Variants in ADAMTS12 observed in about 807,000 individuals in gnomAD.
ADAMTS12 encodes the protein A disintegrin and metalloproteinase with thrombospondin motifs 12.
In ADAMTS12, 118 loss-of-function variants were observed where a neutral mutation model predicts 167.8. That is an observed-to-expected ratio of 0.70 (90% confidence interval 0.61 to 0.82). The LOEUF (loss-of-function observed/expected upper bound fraction) is 0.82, where lower values mean the gene tolerates loss of function less well. Ranked by LOEUF, ADAMTS12 falls within the 40% of genes least tolerant of loss-of-function variation. The pLI is 0.00. For missense variants in ADAMTS12, 1,916 were observed against 1,998.8 expected (o/e 0.96, Z 0.79); for synonymous variants, 704 against 716.9 (o/e 0.98, Z 0.29).
chr5:33,794,565 A>G (rs1334786363), intron 2 of ADAMTS12, among the ~76,000 whole-genome samples: 1 of 152,170 alleles, frequency 6.6e-6, no homozygotes. Context: ...AATTAAGTAA[A>G]TCAAATATGC....
At chr5:33,860,882 A>T (rs938809188) in intron 2 of ADAMTS12, among the ~76,000 whole-genome samples, 5 of 152,214 alleles carry the variant, frequency 3.3e-5, no homozygotes, top group African/African-American at 1.2e-4. Flanking sequence ...GATATTCAAC[A>T]TTCTTAAAGA....
At chr5:33,696,946 C>T (rs533780598) in intron 3 of ADAMTS12, among the ~76,000 whole-genome samples, 1 of 152,284 alleles carries the variant, frequency 6.6e-6, no homozygotes, top group South Asian at 2.1e-4. Context: ...TTGGACTATA[C>T]ATTTTAAGCT....
chr5:33,789,176 G>T (rs902355189), intron 2 of ADAMTS12, among the ~76,000 whole-genome samples: 3 of 152,062 alleles, frequency 2.0e-5, no homozygotes, highest in Non-Finnish European at 4.4e-5. Context: ...GGACAGAAAG[G>T]TCTCTCACAC....
At chr5:33,791,830 G>A (rs28495741) in intron 2 of ADAMTS12, among the ~76,000 whole-genome samples, 7,432 of 149,464 alleles carry the variant, frequency 0.05, 658 homozygotes, top group African/African-American at 0.18. Context: ...TATAAAGGAA[G>A]CTTTACTAAT....
At chr5:33,790,784 T>TGC (rs1746531558) in intron 2 of ADAMTS12, among the ~76,000 whole-genome samples, 1 of 48,620 alleles carries the variant, frequency 2.1e-5, no homozygotes, top group African/African-American at 6.7e-5. Flanking sequence ...CATACAAACA[T>TGC]ATATATATAT....
chr5:33,701,653 T>C (rs2112298615), intron 3 of ADAMTS12, among the ~76,000 whole-genome samples: 1 of 152,306 alleles, frequency 6.6e-6, no homozygotes, highest in East Asian at 1.9e-4. Flanking sequence ...ATCCAGGCCA[T>C]GGCAAAGGTA....
intron 16 of ADAMTS12, 104 bp from the exon 17 acceptor site, chr5:33,596,164 G>A (rs1039845060): frequency 2.8e-6 from 4 of 1,430,474 alleles, no homozygotes; most frequent in Non-Finnish European, 3.8e-6. Context: ...GACGGCTGAT[G>A]GGAAAGTTGT....
intron 22 of ADAMTS12, 93 bp from the exon 23 acceptor site, chr5:33,535,085 A>G: frequency 1.5e-6 from 2 of 1,326,620 alleles, no homozygotes; most frequent in Non-Finnish European, 2.0e-6. Context: ...GTGGTCAAGA[A>G]TGGAAACATC....
chr5:33,857,371 A>C (rs1403822273), intron 2 of ADAMTS12, among the ~76,000 whole-genome samples: 1 of 152,120 alleles, frequency 6.6e-6, no homozygotes, highest in African/African-American at 2.4e-5. Flanking sequence ...AACAATACTG[A>C]AGTGTATACT....
chr5:33,853,996 C>T (rs1749314419), intron 2 of ADAMTS12, among the ~76,000 whole-genome samples: 1 of 152,220 alleles, frequency 6.6e-6, no homozygotes, highest in African/African-American at 2.4e-5. Context: ...CGAGCTAGGA[C>T]TTGAGCTCAG....
chr5:33,676,515 A>G (rs1741909906), intron 5 of ADAMTS12, among the ~76,000 whole-genome samples: 1 of 148,576 alleles, frequency 6.7e-6, no homozygotes, highest in Admixed American at 6.6e-5. Flanking sequence ...ACGTAGTGAG[A>G]CCCCATCTTT....
intron 14 of ADAMTS12, among the ~76,000 whole-genome samples, chr5:33,622,716 T>C (rs1739394409): frequency 6.6e-6 from 1 of 150,820 alleles, no homozygotes; most frequent in African/African-American, 2.4e-5. Context: ...ATTTTAAGTG[T>C]AACTTTTTAT....
chr5:33,735,798 G>A (rs1432758212), intron 3 of ADAMTS12, among the ~76,000 whole-genome samples: 1 of 152,182 alleles, frequency 6.6e-6, no homozygotes, highest in East Asian at 1.9e-4. Flanking sequence ...CTAAGGAAAG[G>A]AAACCTCTTC....
intron 5 of ADAMTS12, 143 bp from the exon 6 acceptor site, chr5:33,662,183 G>T: frequency 1.0e-6 from 1 of 993,366 alleles, no homozygotes; most frequent in Non-Finnish European, 1.5e-6. Flanking sequence ...TGTGGCAGAG[G>T]CCAACTGACT....
At chr5:33,713,202 G>A (rs1743467919) in intron 3 of ADAMTS12, among the ~76,000 whole-genome samples, 1 of 152,090 alleles carries the variant, frequency 6.6e-6, no homozygotes, top group Non-Finnish European at 1.5e-5. Flanking sequence ...GGCCAGTCAG[G>A]GAGCTATACT....
At chr5:33,607,822 G>C (rs1354077177) in intron 16 of ADAMTS12, among the ~76,000 whole-genome samples, 1 of 152,266 alleles carries the variant, frequency 6.6e-6, no homozygotes, top group Non-Finnish European at 1.5e-5. Context: ...CACAATTCCA[G>C]TAAGGATTTT....
intron 1 of ADAMTS12, among the ~76,000 whole-genome samples, chr5:33,889,568 A>T (rs1296345078): frequency 1.3e-5 from 2 of 152,188 alleles, no homozygotes; most frequent in African/African-American, 4.8e-5. Flanking sequence ...TCTAAATGTA[A>T]GTCTGCTTAG....
intron 5 of ADAMTS12, among the ~76,000 whole-genome samples, chr5:33,667,080 T>G (rs1741499832): frequency 6.6e-6 from 1 of 152,184 alleles, no homozygotes; most frequent in African/African-American, 2.4e-5. Flanking sequence ...TGATCACTAA[T>G]GGTTTTCAAG....
chr5:33,753,557 G>A (rs1644943040), intron 2 of ADAMTS12, among the ~76,000 whole-genome samples: 1 of 152,128 alleles, frequency 6.6e-6, no homozygotes, highest in African/African-American at 2.4e-5. Flanking sequence ...GGGGCCCTTA[G>A]TGTACCTGCT....
Sources: allele counts gnomAD v4.1 joint callset (sites outside exome capture counted in the v4.1 genomes callset), GRCh38; gene constraint gnomAD v4.1.1; transcripts MANE v1.5; gene names NCBI Gene and HGNC (gene_info 2026-07-23, HGNC 2026-07-21).